Variants in SLIT1 observed in about 807,000 individuals in gnomAD.
The protein encoded by SLIT1 is slit homolog 1 protein.
In SLIT1, 66 loss-of-function variants were observed where a neutral mutation model predicts 186.1. That is an observed-to-expected ratio of 0.35 (90% confidence interval 0.29 to 0.44). The LOEUF (loss-of-function observed/expected upper bound fraction) is 0.44. SLIT1 is among the 20% of genes least tolerant of loss of function. The probability of loss-of-function intolerance (pLI) is 1.00; values close to 1 mark genes in which losing one functional copy is unlikely to be tolerated. For missense variants in SLIT1, 1,638 were observed against 2,037.4 expected, an observed-to-expected ratio of 0.80 and a Z score of 3.77; for synonymous variants, 761 against 833.8, an observed-to-expected ratio of 0.91 and a Z score of 1.50.
chr10:97,019,872 T>A (rs1161324963), intron 26 of SLIT1, among the ~76,000 whole-genome samples: 1 of 152,262 alleles, frequency 6.6e-6, no homozygotes, highest in Admixed American at 6.5e-5. Context: ...TGAAGAGGCA[T>A]GAGCATGAAT....
At chr10:97,108,383 C>G (rs1318650760) in intron 4 of SLIT1, among the ~76,000 whole-genome samples, 1 of 152,210 alleles carries the variant, frequency 6.6e-6, no homozygotes, top group Non-Finnish European at 1.5e-5. Flanking sequence ...TAAAATAGTT[C>G]CCAGGAAGCG....
chr10:97,067,762 C>T (rs1276355484), intron 4 of SLIT1, among the ~76,000 whole-genome samples: 4 of 152,142 alleles, frequency 2.6e-5, no homozygotes, highest in Non-Finnish European at 5.9e-5. Context: ...GAACAACCAG[C>T]GGCAGACCGT....
intron 14 of SLIT1, 127 bp from the exon 15 acceptor site, chr10:97,048,123 C>G: frequency 9.9e-7 from 1 of 1,008,744 alleles, no homozygotes; most frequent in South Asian, 1.3e-5. Flanking sequence ...TCTGCCCAGT[C>G]CCTGTGTGCA....
At chr10:97,027,814 A>C (rs550498871) in intron 25 of SLIT1, among the ~76,000 whole-genome samples, 4 of 152,330 alleles carry the variant, frequency 2.6e-5, no homozygotes, top group African/African-American at 9.6e-5. Flanking sequence ...GCTGGAGACA[A>C]GATGTACTCA....
intron 4 of SLIT1, among the ~76,000 whole-genome samples, chr10:97,066,982 T>C (rs1292035295): frequency 1.3e-5 from 2 of 152,184 alleles, no homozygotes; most frequent in Non-Finnish European, 2.9e-5. Flanking sequence ...GGGCTTACGC[T>C]CTGTGTCTTA....
At chr10:97,112,737 T>G (rs1481313272) in intron 4 of SLIT1, among the ~76,000 whole-genome samples, 1 of 152,248 alleles carries the variant, frequency 6.6e-6, no homozygotes. Context: ...GGTCTCACTC[T>G]GTCACCCAGG....
At chr10:97,003,951 A>G (rs1589359659) in intron 34 of SLIT1, 117 bp downstream of exon 34, 1 of 979,200 alleles carries the variant, frequency 1.0e-6, no homozygotes, top group East Asian at 2.4e-5. Context: ...CAGCTTGGCC[A>G]CCACCAGGAT....
chr10:97,000,862 C>T lies in SLIT1; in HGVS notation c.*250G>A, dbSNP rs961758768. 26 of 543,288 alleles carry T rather than the reference C, an allele frequency of 4.8e-5. No homozygotes were observed. Among genetic ancestry groups the T allele is most frequent in the East Asian group, 9.0e-5 (3 of 33,292 alleles). 33.7% of individuals were successfully genotyped at this position (543,288 alleles called of 1,614,324 possible). A position where few individuals can be genotyped will look rare whatever the true frequency, so the allele number is the denominator to read the frequency against. ...ATTCACTCAACAAATATTTATTAAG[C>T]GCCTATTTGTGCAAGGCACTTCCGG... On this transcript the variant is annotated 3_prime_UTR_variant, in exon 37 of 37. Transcript: ENST00000266058.
At chr10:97,019,720 GT>G (rs1848486446) in intron 26 of SLIT1, among the ~76,000 whole-genome samples, 1 of 152,128 alleles carries the variant, frequency 6.6e-6, no homozygotes, top group Non-Finnish European at 1.5e-5. Context: ...GGTTGTAGAA[GT>G]AACCAGAGGA....
chr10:97,165,750 C>T (rs1850096544), intron 1 of SLIT1, among the ~76,000 whole-genome samples: 1 of 152,124 alleles, frequency 6.6e-6, no homozygotes, highest in South Asian at 2.1e-4. Context: ...AGCAGGAGGG[C>T]AGTCCAGGAA....
At position 97,043,280 on chromosome 10, in the gene SLIT1, C is replaced by T. The variant is rs537148813; in HGVS notation, c.1997+90G>A. 3 of 1,532,600 alleles carry T rather than the reference C, an allele frequency of 2.0e-6. No individual in the cohort carries two copies. Among genetic ancestry groups the T allele is most frequent in the African/African-American group, 2.7e-5 (2 of 73,164 alleles). The allele number at this position is 1,532,600 out of a possible 1,614,324, so 94.9% of individuals were successfully genotyped here. On this transcript the variant is annotated intron_variant, in intron 19 of 36. Transcript: ENST00000266058. This position sits in a 1 kb window ranked among gnomAD's most constrained non-coding sequence, Gnocchi z 7.0. ...AGCAAACCACGAAGACCCAGCACCC[C>T]CAGGGTGAGCTCTTTCAAAGTGGCT...
intron 4 of SLIT1, among the ~76,000 whole-genome samples, chr10:97,092,518 C>G (rs1411333315): frequency 1.3e-5 from 2 of 152,196 alleles, no homozygotes; most frequent in Non-Finnish European, 2.9e-5. Context: ...GCCCAGAGAC[C>G]TATATACCTA....
intron 4 of SLIT1, among the ~76,000 whole-genome samples, chr10:97,076,075 G>T (rs1450352555): frequency 6.6e-6 from 1 of 152,176 alleles, no homozygotes. Flanking sequence ...CACAGGGCTG[G>T]TGGGGGGCAG....
chr10:97,071,155 A>T (rs951948843), intron 4 of SLIT1, among the ~76,000 whole-genome samples: 1 of 152,174 alleles, frequency 6.6e-6, no homozygotes, highest in African/African-American at 2.4e-5. Context: ...TTGGGGTCCC[A>T]GAAAGGAGGT....
At position 97,006,764 on chromosome 10, in the gene SLIT1, G is replaced by T; in HGVS notation, c.3342-44C>A. ...AGTCAGAGAGGGCCAAGGAGGAAGGGAGTATCTTCCTCTCCCACAGCCCTG... is the reference window on the plus strand; with the variant it reads ...AGTCAGAGAGGGCCAAGGAGGAAGGTAGTATCTTCCTCTCCCACAGCCCTG... On this transcript the variant is annotated intron_variant, in intron 31 of 36. Transcript: ENST00000266058. This position sits in a 1 kb window ranked among gnomAD's most constrained non-coding sequence, Gnocchi z 4.0. 2 of 1,323,064 alleles carry T rather than the reference G, an allele frequency of 1.5e-6. No homozygotes were observed. The highest frequency in any genetic ancestry group is 1.1e-6 in the Non-Finnish European group (1 of 919,360). The allele number at this position is 1,323,064 out of a possible 1,614,324, so 82.0% of individuals were successfully genotyped here. A position where few individuals can be genotyped will look rare whatever the true frequency, so the allele number is the denominator to read the frequency against.
chr10:97,020,043 T>C (rs548938262), intron 26 of SLIT1, among the ~76,000 whole-genome samples: 192 of 152,054 alleles, frequency 1.3e-3, no homozygotes, highest in Non-Finnish European at 2.5e-3. Context: ...GGCGCACACA[T>C]GGCTCACTGC....
At chr10:97,041,245 G>C (rs531487259) in intron 20 of SLIT1, among the ~76,000 whole-genome samples, 1 of 152,324 alleles carries the variant, frequency 6.6e-6, no homozygotes, top group East Asian at 1.9e-4. Context: ...GACTTGGGAG[G>C]TTGTCTGAAT....
At position 97,006,166 on chromosome 10, in the gene SLIT1, C is replaced by T; in HGVS notation, c.3579+317G>A. ...CAGGCACACATAGAAAGCCTGTCTG[C>T]AGCACTGGAGGCAGACACTGAGGAG... On this transcript the variant is annotated intron_variant, in intron 32 of 36. Transcript: ENST00000266058. The surrounding 1 kb of genome is among the most constrained non-coding windows in gnomAD (Gnocchi z 4.0). 6.6e-6 allele frequency among the ~76,000 whole-genome samples: 1 copy of T among 152,156 alleles called. No individual in the cohort carries two copies. The highest frequency in any genetic ancestry group is 6.5e-5 in the Admixed American group (1 of 15,278).
chr10:97,124,936 A>T (rs1849591382), intron 4 of SLIT1, among the ~76,000 whole-genome samples: 1 of 152,250 alleles, frequency 6.6e-6, no homozygotes, highest in South Asian at 2.1e-4. Context: ...CAGGTAGTTT[A>T]ACAGAAAAGG....
Sources: gnomAD v4.1 joint callset for allele counts (sites outside exome capture counted in the v4.1 genomes callset) on GRCh38, gnomAD v4.1.1 for gene constraint, Gnocchi (gnomAD v3.1) non-coding constraint, MANE v1.5 for transcripts, NCBI Gene and HGNC (gene_info 2026-07-23, HGNC 2026-07-21) for gene names.